The following PHF24 variants were observed in gnomAD, a reference collection of about 807,000 sequenced individuals.
PHF24 encodes PHD finger protein 24, also known as Galpha inhibitory interacting protein.
A neutral mutation model predicts 42.6 loss-of-function variants in PHF24; 25 were observed. That is an observed-to-expected ratio of 0.59 (90% CI 0.43 to 0.82). The LOEUF (loss-of-function observed/expected upper bound fraction) is 0.82. PHF24 is among the 40% of genes least tolerant of loss of function. The probability of loss-of-function intolerance (pLI) is 0.00; values close to 1 mark genes in which losing one functional copy is unlikely to be tolerated. For missense variants in PHF24, 470 were observed against 538.1 expected (o/e 0.87, Z 1.25); for synonymous variants, 185 against 204.8 (o/e 0.90, Z 0.83).
chr9:34,723,627 T>A, the PHF24 span: 1 of 1,551,652 alleles, frequency 6.4e-7, no homozygotes, highest in African/African-American at 1.4e-5. Context: ...TCTGTAAGGC[T>A]GGGCTTCTTT....
the PHF24 span, among the ~76,000 whole-genome samples, chr9:34,869,749 G>A: frequency 6.6e-6 from 1 of 152,044 alleles, no homozygotes; most frequent in Non-Finnish European, 1.5e-5. Context: ...TAGTACCAAG[G>A]AAAGATTCAG....
chr9:34,974,139 G>T (rs1490795664), intron 3 of PHF24, among the ~76,000 whole-genome samples: 2 of 152,140 alleles, frequency 1.3e-5, no homozygotes, highest in Non-Finnish European at 2.9e-5. Context: ...CAGTAGCTGG[G>T]ACTACAGGCA....
chr9:34,853,836 A>G, the PHF24 span, among the ~76,000 whole-genome samples: 10 of 150,466 alleles, frequency 6.6e-5, no homozygotes, highest in Admixed American at 6.6e-4. Context: ...TCAAAAAAAA[A>G]AAAAAAAAAA....
chr9:34,755,111 T>C, the PHF24 span, among the ~76,000 whole-genome samples: 1 of 151,832 alleles, frequency 6.6e-6, no homozygotes, highest in Non-Finnish European at 1.5e-5. Flanking sequence ...GGTAAAAAAA[T>C]AGAAGGAATG....
At chr9:34,684,915 G>A in the PHF24 span, among the ~76,000 whole-genome samples, 18 of 152,108 alleles carry the variant, frequency 1.2e-4, no homozygotes, top group African/African-American at 3.6e-4. Flanking sequence ...CCACGGGGAA[G>A]ACCCAAAGGC....
At chr9:34,821,459 C>A in the PHF24 span, among the ~76,000 whole-genome samples, 1 of 152,002 alleles carries the variant, frequency 6.6e-6, no homozygotes, top group Non-Finnish European at 1.5e-5. Flanking sequence ...TATGATGGGT[C>A]ACAGGACAGA....
At chr9:34,818,982 T>C in the PHF24 span, among the ~76,000 whole-genome samples, 1 of 152,222 alleles carries the variant, frequency 6.6e-6, no homozygotes, top group African/African-American at 2.4e-5. Flanking sequence ...AGTTTTGTAT[T>C]AGATGTAGGG....
At chr9:34,883,458 C>G in the PHF24 span, among the ~76,000 whole-genome samples, 1 of 152,230 alleles carries the variant, frequency 6.6e-6, no homozygotes, top group South Asian at 2.1e-4. Context: ...TTTTTACAGT[C>G]TACCCATCTG....
chr9:34,728,528 G>T, the PHF24 span: 1 of 1,385,068 alleles, frequency 7.2e-7, no homozygotes, highest in Non-Finnish European at 1.0e-6. Flanking sequence ...CCTGGCTCTT[G>T]GCTCCAGAGG....
chr9:34,786,087 T>A, the PHF24 span, among the ~76,000 whole-genome samples: 1 of 152,174 alleles, frequency 6.6e-6, no homozygotes, highest in Non-Finnish European at 1.5e-5. Context: ...ATCCAATACA[T>A]AATTGCTAGA....
chr9:34,773,461 T>A, the PHF24 span, among the ~76,000 whole-genome samples: 1 of 150,822 alleles, frequency 6.6e-6, no homozygotes, highest in Admixed American at 6.6e-5. Flanking sequence ...GTCAAAGGAA[T>A]TCAGAAGTCA....
chr9:34,937,041 C>G, the PHF24 span, among the ~76,000 whole-genome samples: 6 of 128,466 alleles, frequency 4.7e-5, no homozygotes, highest in Admixed American at 7.5e-5. Flanking sequence ...TCAGCCCCCC[C>G]CCCGGGCCAG....
chr9:34,822,070 C>A, the PHF24 span, among the ~76,000 whole-genome samples: 4 of 152,118 alleles, frequency 2.6e-5, no homozygotes, highest in Non-Finnish European at 5.9e-5. Flanking sequence ...TATCTCCTGG[C>A]ATTTGTGCTA....
chr9:34,892,724 G>A, the PHF24 span: 2 of 465,826 alleles, frequency 4.3e-6, no homozygotes, highest in African/African-American at 2.0e-5. Flanking sequence ...AGGAATTCCA[G>A]GCTTCTCAAA....
At chr9:34,892,312 T>C in the PHF24 span, among the ~76,000 whole-genome samples, 1 of 152,174 alleles carries the variant, frequency 6.6e-6, no homozygotes, top group African/African-American at 2.4e-5. Flanking sequence ...TAGCCTCCCA[T>C]GAAACCCAGA....
At chr9:34,887,730 C>T in the PHF24 span, among the ~76,000 whole-genome samples, 1 of 152,122 alleles carries the variant, frequency 6.6e-6, no homozygotes, top group Admixed American at 6.6e-5. Flanking sequence ...GATTTTTTTG[C>T]ATATATCTGG....
At chr9:34,831,209 G>A in the PHF24 span, among the ~76,000 whole-genome samples, 1 of 152,234 alleles carries the variant, frequency 6.6e-6, no homozygotes, top group African/African-American at 2.4e-5. Context: ...GGAGCTGCCA[G>A]GCTTCTGTGG....
At chr9:34,682,862 A>G in the PHF24 span, among the ~76,000 whole-genome samples, 1 of 152,090 alleles carries the variant, frequency 6.6e-6, no homozygotes, top group Non-Finnish European at 1.5e-5. Context: ...AGTGATGTCT[A>G]TTTTACAGGG....
chr9:34,969,839 C>T (rs1054963214), intron 1 of PHF24, among the ~76,000 whole-genome samples: 3 of 152,148 alleles, frequency 2.0e-5, no homozygotes, highest in South Asian at 2.1e-4. Flanking sequence ...CAGTAACCTT[C>T]GAACTGGCCT....
Sources: allele counts gnomAD v4.1 joint callset (sites outside exome capture counted in the v4.1 genomes callset), GRCh38; gene constraint gnomAD v4.1.1; transcripts MANE v1.5; gene names NCBI Gene and HGNC (gene_info 2026-07-23, HGNC 2026-07-21).